NRXN1: variants seen among roughly 807,000 people sequenced by gnomAD.
NRXN1 encodes neurexin-1.
A neutral mutation model predicts 150.9 loss-of-function variants in NRXN1; 39 were observed. The observed-to-expected ratio is 0.26, with a 90% CI of 0.20 to 0.34. The LOEUF (loss-of-function observed/expected upper bound fraction) is 0.34. Among genes scored for constraint, NRXN1 ranks in the 10% least tolerant of loss-of-function variants. NRXN1 has a pLI of 1.00. For synonymous variants in NRXN1, 924 were observed against 757.0 expected (o/e 1.22, Z -3.62); for missense variants, 1,815 against 1,949.9 (o/e 0.93, Z 1.30).
intron 21 of NRXN1, among the ~76,000 whole-genome samples, chr2:50,006,684 G>C (rs1684822166): frequency 6.6e-6 from 1 of 152,138 alleles, no homozygotes; most frequent in East Asian, 1.9e-4. Context: ...TGTATGTCAA[G>C]AATGTAATTT....
intron 8 of NRXN1, among the ~76,000 whole-genome samples, chr2:50,577,305 T>A (rs1428503341): frequency 6.6e-6 from 1 of 151,866 alleles, no homozygotes; most frequent in Non-Finnish European, 1.5e-5. Flanking sequence ...AATCTGTAAA[T>A]ATAAAATAAG....
intron 2 of NRXN1, among the ~76,000 whole-genome samples, chr2:51,015,930 A>G (rs1223062445): frequency 6.6e-6 from 1 of 152,090 alleles, no homozygotes; most frequent in African/African-American, 2.4e-5. Context: ...TCCCAAGCAA[A>G]AAGAACAAAG....
intron 5 of NRXN1, among the ~76,000 whole-genome samples, chr2:50,636,885 G>A (rs182583329): frequency 2.0e-5 from 3 of 152,100 alleles, no homozygotes; most frequent in Admixed American, 6.5e-5. Context: ...GCAAATATAC[G>A]CATAGAAAAT....
At chr2:50,260,628 C>G (rs1171047100) in intron 17 of NRXN1, among the ~76,000 whole-genome samples, 1 of 107,918 alleles carries the variant, frequency 9.3e-6, no homozygotes, top group African/African-American at 3.9e-5. Flanking sequence ...TTTTTTTTTC[C>G]GTTTTTTTTT....
chr2:50,471,066 T>C (rs938739637), intron 16 of NRXN1, among the ~76,000 whole-genome samples: 1 of 151,894 alleles, frequency 6.6e-6, no homozygotes, highest in Admixed American at 6.6e-5. Context: ...TTTTGTTATA[T>C]GCTATTGGAT....
At chr2:50,983,841 C>T (rs539429481) in intron 2 of NRXN1, among the ~76,000 whole-genome samples, 108 of 152,166 alleles carry the variant, frequency 7.1e-4, no homozygotes, top group South Asian at 1.5e-3. Flanking sequence ...ATCTTAAAGG[C>T]AATGAATATA....
In NRXN1 at chr2:50,869,933, T is replaced by C. The variant is rs1463407322; in HGVS notation, c.832+51936A>G. On this transcript the variant is annotated intron_variant, in intron 5 of 22. Coordinates refer to ENST00000401669, the MANE Select transcript of NRXN1 (RefSeq NM_001330078.2). ...CAGTTGCTGAGCATCTGCTCAGGGCTAAATACCATGACAAGTTTGGGGAAT... is the reference window on the plus strand; with the variant it reads ...CAGTTGCTGAGCATCTGCTCAGGGCCAAATACCATGACAAGTTTGGGGAAT... Among the ~76,000 whole-genome samples, 6 of 151,930 alleles carry C rather than the reference T, an allele frequency of 3.9e-5. No homozygotes were observed. The East Asian group carries it at 1.2e-3, about 30-fold the overall frequency.
At chr2:50,586,309 C>T (rs186911629) in intron 8 of NRXN1, among the ~76,000 whole-genome samples, 8 of 152,218 alleles carry the variant, frequency 5.3e-5, no homozygotes, top group African/African-American at 1.2e-4. Context: ...AAAATAATTG[C>T]CACCATCTTC....
chr2:50,059,683 T>A (rs1449008455), intron 19 of NRXN1, among the ~76,000 whole-genome samples: 1 of 152,046 alleles, frequency 6.6e-6, no homozygotes, highest in Non-Finnish European at 1.5e-5. Flanking sequence ...GAGCCCTGGG[T>A]CTTGCTGTTT....
intron 21 of NRXN1, among the ~76,000 whole-genome samples, chr2:50,040,650 T>C (rs1007972412): frequency 6.6e-6 from 1 of 152,128 alleles, no homozygotes; most frequent in Non-Finnish European, 1.5e-5. Flanking sequence ...TTCTAAACTA[T>C]ATTGATTTGT....
intron 8 of NRXN1, among the ~76,000 whole-genome samples, chr2:50,611,030 G>C (rs1015208353): frequency 6.7e-6 from 1 of 149,494 alleles, no homozygotes; most frequent in African/African-American, 2.5e-5. Flanking sequence ...ACAGGCATGA[G>C]CCACTCCACA....
chr2:50,495,093 G>A (rs1048808147), intron 15 of NRXN1, among the ~76,000 whole-genome samples: 4 of 151,114 alleles, frequency 2.6e-5, no homozygotes, highest in Non-Finnish European at 4.4e-5. Flanking sequence ...CCCCTCCTCC[G>A]ATTTTCTACA....
chr2:50,602,179 A>G (rs1676381415), intron 8 of NRXN1, among the ~76,000 whole-genome samples: 2 of 152,192 alleles, frequency 1.3e-5, no homozygotes, highest in South Asian at 4.1e-4. Context: ...TGAGATTTGG[A>G]AAATTCATCA....
At chr2:50,092,027 T>G (rs964953966) in intron 18 of NRXN1, among the ~76,000 whole-genome samples, 1 of 152,282 alleles carries the variant, frequency 6.6e-6, no homozygotes, top group Non-Finnish European at 1.5e-5. Context: ...TGAAAGTTAT[T>G]CAATGTTTTT....
intron 17 of NRXN1, among the ~76,000 whole-genome samples, chr2:50,271,043 A>T (rs1040172105): frequency 6.6e-6 from 1 of 152,222 alleles, no homozygotes; most frequent in Non-Finnish European, 1.5e-5. Flanking sequence ...GCACAACTGC[A>T]TAGTTACAAT....
At chr2:50,337,668 T>C (rs540991891) in intron 17 of NRXN1, among the ~76,000 whole-genome samples, 2 of 152,338 alleles carry the variant, frequency 1.3e-5, no homozygotes, top group South Asian at 4.1e-4. Context: ...CTCTAGTTCT[T>C]TCTCTGCACA....
chr2:50,259,499 A>C (rs1268583069), intron 17 of NRXN1, among the ~76,000 whole-genome samples: 2 of 151,884 alleles, frequency 1.3e-5, no homozygotes, highest in African/African-American at 2.4e-5. Context: ...TGAAGTGTAC[A>C]TGGAAGACTT....
At chr2:50,175,547 A>AT (rs751277730) in intron 18 of NRXN1, among the ~76,000 whole-genome samples, 1 of 151,970 alleles carries the variant, frequency 6.6e-6, no homozygotes, top group Admixed American at 6.6e-5. Context: ...CTACTTTTAG[A>AT]TTTTTTGGTT....
chr2:50,795,976 C>A (rs1706771277), intron 5 of NRXN1, among the ~76,000 whole-genome samples: 1 of 152,012 alleles, frequency 6.6e-6, no homozygotes, highest in South Asian at 2.1e-4. Flanking sequence ...ACCCAAGGTT[C>A]ACAAGAAATC....
Sources: gnomAD v4.1 joint callset for allele counts (sites outside exome capture counted in the v4.1 genomes callset) on GRCh38, gnomAD v4.1.1 for gene constraint, MANE v1.5 for transcripts, NCBI Gene and HGNC (gene_info 2026-07-23, HGNC 2026-07-21) for gene names.